CSMD1: variants seen among roughly 807,000 people sequenced by gnomAD.
CSMD1 encodes the protein CUB and sushi domain-containing protein 1.
Under a neutral mutation model 417.5 loss-of-function variants are expected in CSMD1, and 213 were observed. That is an observed-to-expected ratio of 0.51 (90% CI 0.46 to 0.57). The LOEUF (loss-of-function observed/expected upper bound fraction) is 0.57. CSMD1 is among the 20% of genes least tolerant of loss of function. The probability of loss-of-function intolerance (pLI) is 0.00; values close to 1 mark genes in which losing one functional copy is unlikely to be tolerated. For missense variants in CSMD1, 6,923 were observed against 4,529.7 expected, an observed-to-expected ratio of 1.53 and a Z score of -15.17; for synonymous variants, 2,862 against 1,736.8, an observed-to-expected ratio of 1.65 and a Z score of -16.11.
intron 26 of CSMD1, among the ~76,000 whole-genome samples, chr8:3,282,243 T>C (rs1258722104): frequency 6.6e-6 from 1 of 152,068 alleles, no homozygotes; most frequent in Non-Finnish European, 1.5e-5. Context: ...TGTAGGTTCA[T>C]TGATTGCAAC....
chr8:3,777,811 A>G (rs1250810064), intron 5 of CSMD1, among the ~76,000 whole-genome samples: 6 of 150,090 alleles, frequency 4.0e-5, no homozygotes, highest in African/African-American at 1.5e-4. Context: ...GCAGAGTCTC[A>G]GTTCCCACTC....
At chr8:4,916,622 CTG>C (rs545397688) in intron 1 of CSMD1, among the ~76,000 whole-genome samples, 2 of 152,188 alleles carry the variant, frequency 1.3e-5, no homozygotes, top group Non-Finnish European at 2.9e-5. Flanking sequence ...TGGGGAAACT[CTG>C]TAGTAATAAC....
chr8:4,083,065 C>A (rs1031742192), intron 3 of CSMD1, among the ~76,000 whole-genome samples: 1 of 152,006 alleles, frequency 6.6e-6, no homozygotes, highest in Non-Finnish European at 1.5e-5. Context: ...AATAGTGCCA[C>A]AATAAACATA....
intron 5 of CSMD1, among the ~76,000 whole-genome samples, chr8:3,956,518 G>T (rs552163770): frequency 2.0e-5 from 3 of 152,166 alleles, no homozygotes; most frequent in South Asian, 4.1e-4. Context: ...GAGGACAGGT[G>T]GAAACTCAGT....
chr8:4,708,964 T>C (rs932466998), intron 1 of CSMD1, among the ~76,000 whole-genome samples: 1 of 152,076 alleles, frequency 6.6e-6, no homozygotes, highest in Non-Finnish European at 1.5e-5. Flanking sequence ...AAAAGAGCAA[T>C]CCTGCTGATA....
At chr8:3,442,966 A>C (rs1473597792) in intron 12 of CSMD1, among the ~76,000 whole-genome samples, 1 of 152,132 alleles carries the variant, frequency 6.6e-6, no homozygotes, top group African/African-American at 2.4e-5. Context: ...ACATGGTTTT[A>C]TTAATTTAAA....
At chr8:3,615,359 C>G (rs1000312237) in intron 8 of CSMD1, among the ~76,000 whole-genome samples, 4 of 152,146 alleles carry the variant, frequency 2.6e-5, no homozygotes, top group African/African-American at 4.8e-5. Flanking sequence ...GCTCTTTACT[C>G]CAATTCTATT....
At chr8:3,309,094 T>C (rs1478836396) in intron 23 of CSMD1, among the ~76,000 whole-genome samples, 3 of 152,030 alleles carry the variant, frequency 2.0e-5, no homozygotes, top group Non-Finnish European at 4.4e-5. Flanking sequence ...GCACCCTGGA[T>C]TCTCTGGTGA....
chr8:4,116,983 G>T (rs1269775032), intron 3 of CSMD1, among the ~76,000 whole-genome samples: 1 of 151,966 alleles, frequency 6.6e-6, no homozygotes, highest in Non-Finnish European at 1.5e-5. Flanking sequence ...TACACCTAGT[G>T]ACTATCTTCA....
chr8:3,918,873 G>A (rs1012122977), intron 5 of CSMD1, among the ~76,000 whole-genome samples: 1 of 152,030 alleles, frequency 6.6e-6, no homozygotes, highest in African/African-American at 2.4e-5. Context: ...TTGGGGACTT[G>A]TGGGGAAAGA....
At chr8:4,444,299 A>G (rs77933445) in intron 2 of CSMD1, among the ~76,000 whole-genome samples, 12,867 of 137,984 alleles carry the variant, frequency 0.093, 796 homozygotes, top group Admixed American at 0.22. Context: ...GTGAACTGAG[A>G]TCTCGCGACT....
chr8:2,938,236 C>A lies in CSMD1; in HGVS notation c.*349G>T, dbSNP rs915604008. The A allele has an allele frequency of 4.8e-6, 1 of 208,320 alleles. No homozygotes were observed. Among genetic ancestry groups the A allele is most frequent in the Non-Finnish European group, 9.5e-6 (1 of 105,060 alleles). The allele number at this position is 208,320 out of a possible 1,614,324, so 12.9% of individuals were successfully genotyped here. ...TGAGGGACATATCCACGAGCCCAGA[C>A]GATTGCATTGAAAGGCATCTCAGCA... On this transcript the variant is annotated 3_prime_UTR_variant, in exon 70 of 70. Coordinates refer to ENST00000635120, the MANE Select transcript of CSMD1 (RefSeq NM_033225.6).
intron 7 of CSMD1, among the ~76,000 whole-genome samples, chr8:3,671,241 G>T (rs1166445285): frequency 7.1e-6 from 1 of 141,116 alleles, no homozygotes; most frequent in South Asian, 2.3e-4. Context: ...GGATATATAT[G>T]TGTGGGATAT....
intron 1 of CSMD1, among the ~76,000 whole-genome samples, chr8:4,849,774 G>A (rs549350475): frequency 6.6e-6 from 1 of 152,288 alleles, no homozygotes; most frequent in African/African-American, 2.4e-5. Flanking sequence ...GTTTTAGTAA[G>A]TGCACTCAAT....
intron 3 of CSMD1, among the ~76,000 whole-genome samples, chr8:4,095,505 G>A (rs1193158270): frequency 6.6e-6 from 1 of 152,186 alleles, no homozygotes; most frequent in South Asian, 2.1e-4. Flanking sequence ...ATTTGAAGTG[G>A]AAAGAATGTC....
chr8:3,187,815 C>G, intron 36 of CSMD1, 54 bp downstream of exon 36: 1 of 1,306,512 alleles, frequency 7.7e-7, no homozygotes, highest in Non-Finnish European at 1.1e-6. Flanking sequence ...ATGTTGTTTT[C>G]TTGGTGTTTG....
chr8:3,932,256 G>C (rs1264148433), intron 5 of CSMD1, among the ~76,000 whole-genome samples: 1 of 150,598 alleles, frequency 6.6e-6, no homozygotes, highest in African/African-American at 2.4e-5. Context: ...GAAAATCGAC[G>C]AAAGTAATAG....
chr8:4,725,148 C>T (rs1428491077), intron 1 of CSMD1, among the ~76,000 whole-genome samples: 1 of 151,880 alleles, frequency 6.6e-6, no homozygotes, highest in Non-Finnish European at 1.5e-5. Flanking sequence ...TAAAAGTGTA[C>T]CTTTTATAAA....
intron 3 of CSMD1, among the ~76,000 whole-genome samples, chr8:4,209,046 G>C (rs1392845833): frequency 6.6e-6 from 1 of 152,134 alleles, no homozygotes; most frequent in African/African-American, 2.4e-5. Flanking sequence ...TCCTGTCTCT[G>C]ACTTCTTGCT....
Sources: allele counts gnomAD v4.1 joint callset (sites outside exome capture counted in the v4.1 genomes callset), GRCh38; gene constraint gnomAD v4.1.1; transcripts MANE v1.5; gene names NCBI Gene and HGNC (gene_info 2026-07-23, HGNC 2026-07-21).